HTR1D: variants seen among roughly 807,000 people sequenced by gnomAD.
HTR1D encodes the protein 5-hydroxytryptamine receptor 1D, also known as 5-HT-1D.
A neutral mutation model predicts 21.1 loss-of-function variants in HTR1D; 18 were observed. The observed-to-expected ratio is 0.85, with a 90% CI of 0.59 to 1.27. The LOEUF is 1.27. Ranked by LOEUF, HTR1D falls within the 50% of genes most tolerant of loss-of-function variation. The probability of loss-of-function intolerance (pLI) is 0.00; values close to 1 mark genes in which losing one functional copy is unlikely to be tolerated. For missense variants in HTR1D, 456 were observed against 481.4 expected, an observed-to-expected ratio of 0.95 and a Z score of 0.49; for synonymous variants, 196 against 204.4, an observed-to-expected ratio of 0.96 and a Z score of 0.35.
chr1:23,208,309 C>T (rs754493301), intron 1 of HTR1D, among the ~76,000 whole-genome samples: 2 of 152,044 alleles, frequency 1.3e-5, no homozygotes, highest in Non-Finnish European at 2.9e-5. Flanking sequence ...TGATGGCTCA[C>T]GCCTGTAATC....
chr1:23,198,258 C>T (rs1472345649), intron 1 of HTR1D, among the ~76,000 whole-genome samples: 2 of 148,228 alleles, frequency 1.3e-5, no homozygotes, highest in African/African-American at 2.5e-5. Context: ...CCCAGCTACT[C>T]GGGAGGCTGA....
intron 1 of HTR1D, among the ~76,000 whole-genome samples, chr1:23,196,745 A>G (rs1644690383): frequency 6.6e-6 from 1 of 152,154 alleles, no homozygotes; most frequent in South Asian, 2.1e-4. Context: ...TGACCCGACC[A>G]ATGCTCAGAG....
chr1:23,193,918 G>T lies in HTR1D; in HGVS notation c.302C>A (p.Thr101Asn), dbSNP rs1381851326. ...GATTTGGCCAAAGTTCCAGGTGTGG[G>T]TGATGGTATAGGCGATGCTGATGGG... is the stretch of plus-strand genomic sequence containing the variant. ...VMPISIAYTI[T>N]HTWNFGQILC... Residue 101 changes from threonine (T) to asparagine (N), a missense_variant, in exon 2 of 2, where the codon ACC becomes AAC. Physicochemically the swap from Thr to Asn is moderately conservative, Grantham distance 65 (BLOSUM62 0). Coordinates refer to ENST00000374619, the MANE Select transcript of HTR1D (RefSeq NM_000864.5). 8.7e-6 allele frequency: 14 copies of T among 1,614,264 alleles called. No individual in the cohort carries two copies. Among genetic ancestry groups the T allele is most frequent in the Non-Finnish European group, 1.2e-5 (14 of 1,180,054 alleles).
chr1:23,213,398 T>G (rs1412106975), intron 1 of HTR1D, among the ~76,000 whole-genome samples: 1 of 152,148 alleles, frequency 6.6e-6, no homozygotes, highest in Non-Finnish European at 1.5e-5. Flanking sequence ...GAGAATCGCT[T>G]GAGCCTGTGA....
Position 23,197,733 on chromosome 1 carries a change from A to T in HTR1D, c.-782-2732T>A, listed in dbSNP as rs533855178. Among the ~76,000 whole-genome samples the T allele has an allele frequency of 9.9e-5, 15 of 152,104 alleles. 1 individual carries two copies. The highest frequency in any genetic ancestry group is 6.8e-3 in the Middle Eastern group (2 of 294). On this transcript the variant is annotated intron_variant, in intron 1 of 1. Transcript: ENST00000374619. The stretch of plus-strand genomic sequence containing the variant: ...CAAGACTCTACCTAAAAAAAAAAAA[A>T]AAAAATTAAAATGACAATGAAGGCT...
Position 23,193,076 on chromosome 1 carries a change from C to T in HTR1D, c.*10G>A. 6.4e-7 allele frequency: 1 copy of T among 1,572,740 alleles called. No homozygotes were observed. Among genetic ancestry groups the T allele is most frequent in the Non-Finnish European group, 8.6e-7 (1 of 1,158,134 alleles). Reference sequence around the variant, plus strand: ...ACACAAAAGATAACAAGAGTCATCACCGAATAAGACTAGGAGGCCTTCCGG... The same window carrying T: ...ACACAAAAGATAACAAGAGTCATCATCGAATAAGACTAGGAGGCCTTCCGG... On this transcript the variant is annotated 3_prime_UTR_variant, in exon 2 of 2. Transcript: ENST00000374619.
intron 1 of HTR1D, among the ~76,000 whole-genome samples, chr1:23,207,363 C>T (rs1456613792): frequency 6.6e-6 from 1 of 151,910 alleles, no homozygotes; most frequent in African/African-American, 2.4e-5. Flanking sequence ...GAGCTGAGAT[C>T]GTGCTACTGC....
Position 23,193,006 on chromosome 1 carries a change from G to T in HTR1D, c.*80C>A. 1 of 864,072 alleles carries T rather than the reference G, an allele frequency of 1.2e-6. No homozygotes were observed. The highest frequency in any genetic ancestry group is 1.7e-6 in the Non-Finnish European group (1 of 602,542). 53.5% of individuals were successfully genotyped at this position (864,072 alleles called of 1,614,324 possible). A position where few individuals can be genotyped will look rare whatever the true frequency, so the allele number is the denominator to read the frequency against. On this transcript the variant is annotated 3_prime_UTR_variant, in exon 2 of 2. Coordinates refer to ENST00000374619, the MANE Select transcript of HTR1D (RefSeq NM_000864.5). ...ATACCATGAATTAATCCAAGTCTCAGAAAATAATTAAAAAAAAAAAAGACA... is the reference window on the plus strand; with the variant it reads ...ATACCATGAATTAATCCAAGTCTCATAAAATAATTAAAAAAAAAAAAGACA...
chr1:23,205,192 T>C (rs1644724994), intron 1 of HTR1D, among the ~76,000 whole-genome samples: 1 of 146,492 alleles, frequency 6.8e-6, no homozygotes, highest in African/African-American at 2.6e-5. Flanking sequence ...AACTAAACAA[T>C]GAGGATGCAA....
chr1:23,193,512 C>T lies in HTR1D; in HGVS notation c.708G>A (p.Gly236=), dbSNP rs1265661353. ...TGAGGTGGGCCGTGGTGAAGCGCTT[C>T]CCATAGAGTGAGGGTGGATTCAGGA... The part of the protein sequence containing the change: ...NRILNPPSLY[G]KRFTTAHLIT... Residue 236 remains glycine (G), a synonymous_variant, in exon 2 of 2, where the codon GGG becomes GGA. Transcript: ENST00000374619. 1 of 1,613,988 alleles carries T rather than the reference C, an allele frequency of 6.2e-7. No homozygotes were observed. Among genetic ancestry groups the T allele is most frequent in the Non-Finnish European group, 8.5e-7 (1 of 1,179,904 alleles).
rs1174467981 is a variant in HTR1D, at chr1:23,192,997, C to T, written c.*89G>A. ...AGACTCAAGATACCATGAATTAATC[C>T]AAGTCTCAGAAAATAATTAAAAAAA... On this transcript the variant is annotated 3_prime_UTR_variant, in exon 2 of 2. Coordinates refer to ENST00000374619, the MANE Select transcript of HTR1D (RefSeq NM_000864.5). 1.1e-5 allele frequency: 9 copies of T among 783,216 alleles called. No homozygotes were observed. Among genetic ancestry groups the T allele is most frequent in the Non-Finnish European group, 1.4e-5 (7 of 518,398 alleles). 48.5% of individuals were successfully genotyped at this position (783,216 alleles called of 1,614,324 possible). A position where few individuals can be genotyped will look rare whatever the true frequency, so the allele number is the denominator to read the frequency against.
intron 1 of HTR1D, among the ~76,000 whole-genome samples, chr1:23,199,846 C>T (rs1403587786): frequency 6.6e-6 from 1 of 152,090 alleles, no homozygotes. Context: ...GCTGGGACTA[C>T]AAGCACGTAC....
In HTR1D at chr1:23,217,106, C is replaced by A. The variant is rs1467754393; in HGVS notation, c.-783+185G>T. Among the ~76,000 whole-genome samples, 2 of 151,878 alleles carry A rather than the reference C, an allele frequency of 1.3e-5. No homozygotes were observed. Among genetic ancestry groups the A allele is most frequent in the African/African-American group, 2.4e-5 (1 of 41,402 alleles). On this transcript the variant is annotated intron_variant, in intron 1 of 1. Transcript: ENST00000374619. The surrounding 1 kb of genome is among the most constrained non-coding windows in gnomAD (Gnocchi z 4.6). ...TCTCCCGGGGCTCTGGACGGCCACCCCCGGTGGCCTCCCTCCGGCCGGGCA... is the reference window on the plus strand; with the variant it reads ...TCTCCCGGGGCTCTGGACGGCCACCACCGGTGGCCTCCCTCCGGCCGGGCA...
chr1:23,196,095 C>T (rs1049302803), intron 1 of HTR1D, among the ~76,000 whole-genome samples: 10 of 152,076 alleles, frequency 6.6e-5, no homozygotes, highest in Admixed American at 6.6e-5. Context: ...CCAGCCTTGA[C>T]CTCCCAAAGT....
At chr1:23,203,652 G>A (rs1324765663) in intron 1 of HTR1D, among the ~76,000 whole-genome samples, 1 of 151,568 alleles carries the variant, frequency 6.6e-6, no homozygotes, top group African/African-American at 2.4e-5. Flanking sequence ...GTGAGCCCCT[G>A]TCTTAAAACA....
rs532926541 is a variant in HTR1D, at chr1:23,195,021, A to T, written c.-782-20T>A. On this transcript the variant is annotated intron_variant, in intron 1 of 1. Coordinates refer to ENST00000374619, the MANE Select transcript of HTR1D (RefSeq NM_000864.5). The stretch of plus-strand genomic sequence containing the variant: ...GAAGATCTGGGATTTAAAAAAGAAA[A>T]AAAATAGAGTTAGGTTCTAGAAGGA... Among the ~76,000 whole-genome samples, 1 of 152,314 alleles carries T rather than the reference A, an allele frequency of 6.6e-6. No homozygotes were observed. Among genetic ancestry groups the T allele is most frequent in the South Asian group, 2.1e-4 (1 of 4,828 alleles).
chr1:23,193,626 G>T lies in HTR1D; in HGVS notation c.594C>A (p.Thr198=). Residue 198 remains threonine (T), a synonymous_variant, in exon 2 of 2, where the codon ACC becomes ACA. Coordinates refer to ENST00000374619, the MANE Select transcript of HTR1D (RefSeq NM_000864.5). ...AGAAGGCCCCACAGGTGGAGTAGAT[G>T]GTGTAGGAGATCTGAGAGGTGTTCA... ...CLVNTSQISY[T]IYSTCGAFYI... 6.2e-7 allele frequency: 1 copy of T among 1,614,076 alleles called. No individual in the cohort carries two copies. The highest frequency in any genetic ancestry group is 1.3e-5 in the African/African-American group (1 of 75,070).
chr1:23,211,534 G>A (rs150408269), intron 1 of HTR1D, among the ~76,000 whole-genome samples: 19 of 152,284 alleles, frequency 1.2e-4, no homozygotes, highest in Non-Finnish European at 2.4e-4. Context: ...GTGAAGAGAA[G>A]CTGGGTCCAA....
chr1:23,197,524 AG>A (rs1400847327), intron 1 of HTR1D, among the ~76,000 whole-genome samples: 1 of 152,114 alleles, frequency 6.6e-6, no homozygotes, highest in Non-Finnish European at 1.5e-5. Flanking sequence ...TGAGGTCAGG[AG>A]GTCGAGACCA....
Sources: allele counts gnomAD v4.1 joint callset (sites outside exome capture counted in the v4.1 genomes callset), GRCh38; gene constraint gnomAD v4.1.1; non-coding constraint Gnocchi (gnomAD v3.1); transcripts MANE v1.5; gene names NCBI Gene and HGNC (gene_info 2026-07-23, HGNC 2026-07-21).